The following DHX30 variants were observed in gnomAD, a reference collection of about 807,000 sequenced individuals.
DHX30 encodes the protein DExH-box helicase 30, also known as ATP-dependent RNA helicase DHX30.
Under a neutral mutation model 116.9 loss-of-function variants are expected in DHX30, and 4 were observed. That is an observed-to-expected ratio of 0.03 (90% CI 0.02 to 0.08). DHX30 has a LOEUF of 0.08. Ranked by LOEUF, DHX30 falls within the 10% of genes least tolerant of loss-of-function variation. The probability of loss-of-function intolerance (pLI) is 1.00; values close to 1 mark genes in which losing one functional copy is unlikely to be tolerated. For missense variants in DHX30, 871 were observed against 1,595.1 expected (o/e 0.55, Z 7.73); for synonymous variants, 697 against 651.7 (o/e 1.07, Z -1.06).
At chr3:47,826,284 A>G (rs887170489) in intron 4 of DHX30, among the ~76,000 whole-genome samples, 1 of 152,116 alleles carries the variant, frequency 6.6e-6, no homozygotes, top group African/African-American at 2.4e-5. Flanking sequence ...AGCTTACCCT[A>G]GGTAGATATC....
intron 3 of DHX30, among the ~76,000 whole-genome samples, chr3:47,814,891 T>A (rs951321000): frequency 2.5e-4 from 37 of 145,146 alleles, no homozygotes; most frequent in Non-Finnish European, 3.3e-4. Flanking sequence ...AAAAAAATAA[T>A]TTTTTTTTTT....
At chr3:47,825,027 C>T (rs1016999063) in intron 4 of DHX30, 3 of 645,130 alleles carry the variant, frequency 4.7e-6, no homozygotes, top group Admixed American at 4.7e-5. Context: ...GCCTCGGGGT[C>T]GGCGGGAGCA....
chr3:47,843,356 C>T, intron 9 of DHX30, 101 bp downstream of exon 9: 14 of 1,495,836 alleles, frequency 9.4e-6, no homozygotes, highest in Non-Finnish European at 1.3e-5. Flanking sequence ...GAAACCACCA[C>T]AGCAGGCCTT....
chr3:47,813,026 C>T (rs1302575268), intron 3 of DHX30, among the ~76,000 whole-genome samples: 4 of 150,060 alleles, frequency 2.7e-5, no homozygotes, highest in African/African-American at 7.3e-5. Flanking sequence ...GTCATTCTTT[C>T]GTTAGTGATC....
At chr3:47,828,628 G>A (rs553721636) in intron 5 of DHX30, among the ~76,000 whole-genome samples, 18 of 152,118 alleles carry the variant, frequency 1.2e-4, no homozygotes, top group African/African-American at 3.9e-4. Flanking sequence ...AAAATTAGCT[G>A]GGCGTGGTGG....
intron 9 of DHX30, among the ~76,000 whole-genome samples, chr3:47,844,013 C>G (rs1276807163): frequency 6.6e-6 from 1 of 152,198 alleles, no homozygotes; most frequent in African/African-American, 2.4e-5. Flanking sequence ...TGGCCGTTCT[C>G]TTGAAAGGGG....
At chr3:47,839,035 G>A (rs573965973) in intron 6 of DHX30, among the ~76,000 whole-genome samples, 6 of 151,430 alleles carry the variant, frequency 4.0e-5, no homozygotes, top group Admixed American at 1.3e-4. Context: ...CACCACCCCT[G>A]GCTAACTGCC....
chr3:47,806,553 C>T (rs1348083326), intron 2 of DHX30, among the ~76,000 whole-genome samples: 4 of 151,656 alleles, frequency 2.6e-5, no homozygotes, highest in Non-Finnish European at 4.4e-5. Context: ...TCAAGCGATT[C>T]TTCTGTCTCA....
chr3:47,820,942 C>A (rs926276545), intron 4 of DHX30, among the ~76,000 whole-genome samples: 18 of 144,848 alleles, frequency 1.2e-4, no homozygotes, highest in African/African-American at 4.3e-4. Flanking sequence ...TTTCTTCTTT[C>A]TATTTTTATT....
At chr3:47,819,336 G>A in intron 4 of DHX30, 3 of 1,320,132 alleles carry the variant, frequency 2.3e-6, no homozygotes, top group East Asian at 4.6e-5. Flanking sequence ...TAACCAGGCA[G>A]TTGGCTAGGC....
intron 6 of DHX30, among the ~76,000 whole-genome samples, chr3:47,831,482 T>C (rs1292346179): frequency 6.6e-6 from 1 of 152,118 alleles, no homozygotes; most frequent in African/African-American, 2.4e-5. Flanking sequence ...TCTGTGTCTC[T>C]TCTGCATCTC....
At chr3:47,814,830 A>G (rs977852418) in intron 3 of DHX30, among the ~76,000 whole-genome samples, 1 of 150,666 alleles carries the variant, frequency 6.6e-6, no homozygotes, top group South Asian at 2.2e-4. Context: ...GTTTTTTGTT[A>G]GTTAGTTTTG....
chr3:47,822,934 A>G (rs1278090729), intron 4 of DHX30, among the ~76,000 whole-genome samples: 1 of 151,946 alleles, frequency 6.6e-6, no homozygotes, highest in East Asian at 1.9e-4. Context: ...TCTACTAAAA[A>G]TACAAAAAAT....
intron 6 of DHX30, among the ~76,000 whole-genome samples, 187 bp downstream of exon 6, chr3:47,829,321 T>A (rs2036717613): frequency 2.1e-5 from 3 of 141,356 alleles, no homozygotes; most frequent in South Asian, 2.2e-4. Flanking sequence ...TATATTTTTT[T>A]TTTTTTTTTC....
chr3:47,828,036 T>G (rs1042744497), intron 5 of DHX30, among the ~76,000 whole-genome samples: 6 of 151,850 alleles, frequency 4.0e-5, no homozygotes, highest in African/African-American at 1.5e-4. Flanking sequence ...TTTTTTTTAT[T>G]TTTTGTAGAG....
At position 47,849,543 on chromosome 3, in the gene DHX30, G is replaced by A. The variant is rs144662383; in HGVS notation, c.3180G>A (p.Ser1060=). ...CAGGCAACATCCTGCTGCACAAGTCGACCATTAACAGGTGAGGGCATGCAG... is the reference window on the plus strand; with the variant it reads ...CAGGCAACATCCTGCTGCACAAGTCAACCATTAACAGGTGAGGGCATGCAG... ...TKSGNILLHK[S]TINREATRLR... is the part of the protein sequence containing the mutation. The change falls in exon 20 of 22, where the codon TCG becomes TCA. Residue 1060 remains serine (S), a synonymous_variant. Transcript: ENST00000445061. 7.7e-5 allele frequency: 124 copies of A among 1,609,592 alleles called. No homozygotes were observed. Among genetic ancestry groups the A allele is most frequent in the East Asian group, 1.1e-4 (5 of 44,700 alleles).
intron 3 of DHX30, among the ~76,000 whole-genome samples, chr3:47,817,589 T>C (rs1363790421): frequency 6.6e-6 from 1 of 152,138 alleles, no homozygotes; most frequent in Non-Finnish European, 1.5e-5. Flanking sequence ...TGAGATTTGG[T>C]GGCTGAGGTA....
Position 47,845,800 on chromosome 3 carries a change from C to T in DHX30, c.1040C>T (p.Thr347Ile). 2 of 1,611,460 alleles carry T rather than the reference C, an allele frequency of 1.2e-6. No individual in the cohort carries two copies. Among genetic ancestry groups the T allele is most frequent in the South Asian group, 2.2e-5 (2 of 91,008 alleles). Residue 347 changes from threonine to isoleucine, a missense_variant, in exon 10 of 22, where the codon ACC becomes ATC. Physicochemically the swap from Thr to Ile is moderately conservative, Grantham distance 89 (BLOSUM62 -1). This residue lies in a region of DHX30 where 175 missense variants were observed against 292.9 expected (regional missense o/e 0.60). Transcript: ENST00000445061. The stretch of plus-strand genomic sequence containing the variant: ...GGTGAGACCCAGCGCCGACCATGCA[C>T]CATCCAGGTGCCCGAGCCCATCCTC... ...ELGETQRRPC[T>I]IQVPEPILRK...
intron 2 of DHX30, among the ~76,000 whole-genome samples, chr3:47,809,535 C>T (rs370324884): frequency 3.3e-5 from 5 of 151,894 alleles, no homozygotes; most frequent in Non-Finnish European, 5.9e-5. Context: ...TGAGCCACCG[C>T]GCCTGGCCGG....
Sources: gnomAD v4.1 joint callset for allele counts (sites outside exome capture counted in the v4.1 genomes callset) on GRCh38, gnomAD v4.1.1 for gene constraint, gnomAD v4.1.1 regional missense constraint, MANE v1.5 for transcripts, NCBI Gene and HGNC (gene_info 2026-07-23, HGNC 2026-07-21) for gene names.